The following CACNA2D3 variants were observed in gnomAD, a reference collection of about 807,000 sequenced individuals.
CACNA2D3 encodes calcium voltage-gated channel auxiliary subunit alpha2delta 3.
CACNA2D3 carries 60 observed loss-of-function variants against 160.6 expected under a neutral mutation model. That is an observed-to-expected ratio of 0.37 (90% CI 0.30 to 0.46). CACNA2D3 has a LOEUF of 0.46. Ranked by LOEUF, CACNA2D3 falls within the 20% of genes least tolerant of loss-of-function variation. The pLI is 1.00. For missense variants in CACNA2D3, 1,205 were observed against 1,365.0 expected (o/e 0.88, Z 1.85); for synonymous variants, 558 against 492.9 (o/e 1.13, Z -1.75).
intron 27 of CACNA2D3, among the ~76,000 whole-genome samples, chr3:54,913,571 T>A (rs1452068776): frequency 1.3e-5 from 2 of 152,214 alleles, no homozygotes; most frequent in Non-Finnish European, 1.5e-5. Context: ...GGGTTCTTAT[T>A]TCCCCATTTT....
intron 9 of CACNA2D3, among the ~76,000 whole-genome samples, chr3:54,615,343 C>G (rs888916209): frequency 6.6e-6 from 1 of 152,164 alleles, no homozygotes; most frequent in Non-Finnish European, 1.5e-5. Context: ...GTAGTCAAAT[C>G]TGAATCCAAT....
intron 27 of CACNA2D3, among the ~76,000 whole-genome samples, chr3:54,963,085 A>G (rs2107052530): frequency 6.6e-6 from 1 of 152,282 alleles, no homozygotes; most frequent in African/African-American, 2.4e-5. Context: ...CTGCAAATGT[A>G]ATTTGTAGTC....
At chr3:54,391,515 TC>T (rs150446153) in intron 4 of CACNA2D3, among the ~76,000 whole-genome samples, 48 of 149,964 alleles carry the variant, frequency 3.2e-4, no homozygotes, top group African/African-American at 4.6e-4. Context: ...TTTCTTTCTT[TC>T]TTTTTTTTTT....
chr3:54,870,732 A>G (rs1437577493), intron 17 of CACNA2D3, among the ~76,000 whole-genome samples: 4 of 152,162 alleles, frequency 2.6e-5, no homozygotes, highest in Non-Finnish European at 5.9e-5. Context: ...CAGCCATTAC[A>G]TCTGGCTATG....
At chr3:54,171,729 A>G (rs1290765092) in intron 2 of CACNA2D3, among the ~76,000 whole-genome samples, 2 of 152,146 alleles carry the variant, frequency 1.3e-5, no homozygotes, top group African/African-American at 4.8e-5. Flanking sequence ...CTCCAGGACC[A>G]TGGTCTGTGG....
intron 35 of CACNA2D3, among the ~76,000 whole-genome samples, chr3:55,038,864 C>CTATATATATATATATATATATATATATA (rs10576329): frequency 1.0e-5 from 1 of 99,084 alleles, no homozygotes; most frequent in African/African-American, 3.4e-5. Context: ...AGCCAGGATG[C>CTATATATATATATATATATATATATATA]TATATATATA....
In CACNA2D3 at chr3:54,535,307, G is replaced by A. The variant is rs533205763; in HGVS notation, c.545-27493G>A. On this transcript the variant is annotated intron_variant, in intron 5 of 37. Transcript: ENST00000474759. ...TGATTCTGATGCATTTTAAAATTTA[G>A]GACTCACTGCTTTAAAATAGTGCCT... is the stretch of plus-strand genomic sequence containing the variant. 5.3e-5 allele frequency among the ~76,000 whole-genome samples: 8 copies of A among 152,218 alleles called. No homozygotes were observed. In the South Asian group the frequency reaches 1.7e-3, roughly 32 times the overall value.
At chr3:54,920,868 C>T (rs1700825706) in intron 27 of CACNA2D3, among the ~76,000 whole-genome samples, 1 of 152,140 alleles carries the variant, frequency 6.6e-6, no homozygotes, top group South Asian at 2.1e-4. Context: ...TTCTCCAGTT[C>T]CAGACTTTCT....
intron 9 of CACNA2D3, among the ~76,000 whole-genome samples, chr3:54,608,205 T>A (rs192488854): frequency 6.6e-6 from 1 of 152,232 alleles, no homozygotes; most frequent in East Asian, 1.9e-4. Flanking sequence ...AACAGTGTTA[T>A]ACCACTGTCA....
In CACNA2D3 at chr3:54,857,609, T is replaced by C. The variant is rs559691043; in HGVS notation, c.1626+11142T>C. Among the ~76,000 whole-genome samples the C allele has an allele frequency of 3.3e-5, 5 of 152,332 alleles. No homozygotes were observed. In the East Asian group the frequency reaches 9.6e-4, roughly 29 times the overall value. ...CTGCCCTCCCATCTCTGAATCACTT[T>C]GCCATGTCCCTGCGGGTATTTCCTG... On this transcript the variant is annotated intron_variant, in intron 17 of 37. Transcript: ENST00000474759.
intron 6 of CACNA2D3, among the ~76,000 whole-genome samples, chr3:54,566,047 G>A (rs980880232): frequency 6.6e-6 from 1 of 152,188 alleles, no homozygotes; most frequent in Non-Finnish European, 1.5e-5. Context: ...CAGATCTGTT[G>A]TCTCCCATCA....
chr3:54,747,296 A>C (rs1701769224), intron 11 of CACNA2D3, among the ~76,000 whole-genome samples: 1 of 152,042 alleles, frequency 6.6e-6, no homozygotes. Flanking sequence ...GGTGATACTG[A>C]TGCCTTGTGA....
intron 2 of CACNA2D3, among the ~76,000 whole-genome samples, chr3:54,253,260 A>G (rs1477526309): frequency 2.0e-5 from 3 of 152,146 alleles, no homozygotes; most frequent in African/African-American, 7.2e-5. Flanking sequence ...CTATAAAGAA[A>G]TACCTGAGAC....
At chr3:54,682,697 T>C (rs1700377123) in intron 11 of CACNA2D3, among the ~76,000 whole-genome samples, 1 of 152,194 alleles carries the variant, frequency 6.6e-6, no homozygotes, top group Non-Finnish European at 1.5e-5. Flanking sequence ...CAGAATGGCC[T>C]TTAAATATAC....
At chr3:54,924,887 G>T (rs764236540) in intron 27 of CACNA2D3, 8 of 1,613,634 alleles carry the variant, frequency 5.0e-6, no homozygotes, top group Middle Eastern at 1.6e-4. Context: ...TGCTTTCCAG[G>T]GAAAGGAGTG....
intron 11 of CACNA2D3, among the ~76,000 whole-genome samples, chr3:54,703,826 G>T (rs1249181121): frequency 1.3e-5 from 2 of 152,140 alleles, no homozygotes; most frequent in Non-Finnish European, 2.9e-5. Context: ...TGAAACAAGG[G>T]CTTTGGGATG....
chr3:54,289,309 T>A lies in CACNA2D3; in HGVS notation c.205-31133T>A, dbSNP rs1575372057. ...TCATGAGTGAACTCCCATTCACAAT[T>A]GCTTCAAAGAGAATAAAATACCTAG... On this transcript the variant is annotated intron_variant, in intron 2 of 37. Coordinates refer to ENST00000474759, the MANE Select transcript of CACNA2D3 (RefSeq NM_018398.3). Among the ~76,000 whole-genome samples the A allele has an allele frequency of 2.0e-5, 3 of 152,148 alleles. 1 individual carries two copies. In the South Asian group the frequency reaches 6.2e-4, roughly 32 times the overall value.
rs986595300 is a variant in CACNA2D3 at position 54,896,596 on chromosome 3, A to T, written c.2247-153A>T. On this transcript the variant is annotated intron_variant, in intron 25 of 37. Coordinates refer to ENST00000474759, the MANE Select transcript of CACNA2D3 (RefSeq NM_018398.3). ...TGTTTTTGAGTAATCTGGGGTGCAC[A>T]GTGTTAAGTGAGGCCCCCTCTATAC... is the stretch of plus-strand genomic sequence containing the variant. 1.5e-5 allele frequency: 11 copies of T among 751,540 alleles called. No homozygotes were observed. The Admixed American group carries it at 2.4e-4, about 17-fold the overall frequency. The allele number at this position is 751,540 out of a possible 1,614,324, so 46.6% of individuals were successfully genotyped here.
At chr3:54,280,238 C>T (rs144719648) in intron 2 of CACNA2D3, among the ~76,000 whole-genome samples, 4,643 of 152,070 alleles carry the variant, frequency 0.031, 216 homozygotes, top group African/African-American at 0.099. Context: ...CTCGCCACCA[C>T]GCCCAGCTAA....
Sources: allele counts gnomAD v4.1 joint callset (sites outside exome capture counted in the v4.1 genomes callset), GRCh38; gene constraint gnomAD v4.1.1; transcripts MANE v1.5; gene names NCBI Gene and HGNC (gene_info 2026-07-23, HGNC 2026-07-21).